Variants in PTPRT observed in about 807,000 individuals in gnomAD.
PTPRT encodes receptor-type tyrosine-protein phosphatase T.
Under a neutral mutation model 176.8 loss-of-function variants are expected in PTPRT, and 56 were observed. That is an observed-to-expected ratio of 0.32 (90% CI 0.26 to 0.40). The LOEUF is 0.40. Among genes scored for constraint, PTPRT ranks in the 10% least tolerant of loss-of-function variants. The probability of loss-of-function intolerance (pLI) is 1.00; values close to 1 mark genes in which losing one functional copy is unlikely to be tolerated. For synonymous variants in PTPRT, 783 were observed against 739.0 expected (o/e 1.06, Z -0.96); for missense variants, 1,540 against 1,908.2 (o/e 0.81, Z 3.60).
At position 42,617,140 on chromosome 20, in the gene PTPRT, T is replaced by C. The variant is rs1287589779; in HGVS notation, c.1153+60726A>G. On this transcript the variant is annotated intron_variant, in intron 7 of 30. Coordinates refer to ENST00000373187, the MANE Select transcript of PTPRT (RefSeq NM_007050.6). ...CAATACCTAATTTATTGAGAGTTTT[T>C]AGCATGAAGGGTTGTTGAATTTTGT... 2.2e-5 allele frequency among the ~76,000 whole-genome samples: 3 copies of C among 137,532 alleles called. 1 individual carries two copies. Among genetic ancestry groups the C allele is most frequent in the Non-Finnish European group, 4.6e-5 (3 of 65,738 alleles). The allele number at this position is 137,532 out of a possible 152,430, so 90.2% of individuals were successfully genotyped here. A position where few individuals can be genotyped will look rare whatever the true frequency, so the allele number is the denominator to read the frequency against.
chr20:42,169,267 C>A (rs778326413), intron 16 of PTPRT, among the ~76,000 whole-genome samples: 9 of 152,074 alleles, frequency 5.9e-5, no homozygotes, highest in Admixed American at 1.3e-4. Context: ...TGTTAGGAAG[C>A]AATTGTGATG....
At chr20:42,614,903 C>G (rs1234013818) in intron 7 of PTPRT, among the ~76,000 whole-genome samples, 1 of 148,874 alleles carries the variant, frequency 6.7e-6, no homozygotes, top group Non-Finnish European at 1.5e-5. Flanking sequence ...GAGGAACTCT[C>G]GGTTTTTTTT....
chr20:43,051,196 C>T (rs1432286097), intron 1 of PTPRT, among the ~76,000 whole-genome samples: 1 of 152,198 alleles, frequency 6.6e-6, no homozygotes, highest in Non-Finnish European at 1.5e-5. Context: ...TGGACCACTC[C>T]TTAGACTTCC....
intron 7 of PTPRT, among the ~76,000 whole-genome samples, chr20:42,577,635 T>C (rs1205827392): frequency 6.6e-6 from 1 of 152,166 alleles, no homozygotes; most frequent in Non-Finnish European, 1.5e-5. Flanking sequence ...TAACGGTGAC[T>C]GCCTAGACTG....
intron 14 of PTPRT, among the ~76,000 whole-genome samples, chr20:42,245,827 G>C (rs569529785): frequency 7.6e-4 from 116 of 152,172 alleles, no homozygotes; most frequent in African/African-American, 2.7e-3. Flanking sequence ...CTTTGAGTCA[G>C]CTGAATCTAT....
At chr20:42,554,816 T>G (rs6130162) in intron 7 of PTPRT, among the ~76,000 whole-genome samples, 13,470 of 152,216 alleles carry the variant, frequency 0.088, 678 homozygotes, top group East Asian at 0.17. Flanking sequence ...ATATTGAATG[T>G]TGGAAACAGA....
At chr20:42,942,859 T>G (rs1351416175) in intron 1 of PTPRT, among the ~76,000 whole-genome samples, 1 of 152,186 alleles carries the variant, frequency 6.6e-6, no homozygotes, top group Admixed American at 6.5e-5. Flanking sequence ...ATAAGAAGTG[T>G]TCAATAAATG....
intron 7 of PTPRT, among the ~76,000 whole-genome samples, chr20:42,533,577 T>G (rs2072424096): frequency 6.6e-6 from 1 of 152,222 alleles, no homozygotes; most frequent in Non-Finnish European, 1.5e-5. Flanking sequence ...AGTTGGTGTT[T>G]TAGCTCTGCC....
At chr20:42,141,292 G>A (rs1459304042) in intron 18 of PTPRT, among the ~76,000 whole-genome samples, 3 of 152,192 alleles carry the variant, frequency 2.0e-5, no homozygotes, top group Non-Finnish European at 4.4e-5. Flanking sequence ...GAGTAGCCCC[G>A]GGCTCCTGTG....
At chr20:42,707,279 G>T (rs2076074636) in intron 6 of PTPRT, among the ~76,000 whole-genome samples, 1 of 152,038 alleles carries the variant, frequency 6.6e-6, no homozygotes, top group South Asian at 2.1e-4. Context: ...GAATTCTGTT[G>T]GCTCTTAACA....
chr20:42,730,896 A>G (rs1024479377), intron 6 of PTPRT, among the ~76,000 whole-genome samples: 1 of 152,186 alleles, frequency 6.6e-6, no homozygotes, highest in Non-Finnish European at 1.5e-5. Context: ...CTACATCATG[A>G]GTCAGCTTCT....
Position 42,237,320 on chromosome 20 carries a change from G to C in PTPRT, c.2313-1062C>G, listed in dbSNP as rs550898678. 2.6e-4 allele frequency among the ~76,000 whole-genome samples: 39 copies of C among 152,280 alleles called. 1 individual carries two copies. In the South Asian group the frequency reaches 7.5e-3, roughly 29 times the overall value. On this transcript the variant is annotated intron_variant, in intron 14 of 30. Coordinates refer to ENST00000373187, the MANE Select transcript of PTPRT (RefSeq NM_007050.6). ...CTTGGAAGAGCACTGTACTGAGAGA[G>C]AGGAGTTCCAACCTTCAGTCTGAAC... is the stretch of plus-strand genomic sequence containing the variant.
chr20:42,383,908 G>A (rs1044907091), intron 9 of PTPRT, among the ~76,000 whole-genome samples: 1 of 152,230 alleles, frequency 6.6e-6, no homozygotes, highest in Non-Finnish European at 1.5e-5. Flanking sequence ...GCTAGGTGAT[G>A]TTGGTTGCAT....
In PTPRT at chr20:42,820,578, T is replaced by C. The variant is rs549148839; in HGVS notation, c.215-29112A>G. 1.4e-4 allele frequency among the ~76,000 whole-genome samples: 21 copies of C among 148,080 alleles called. 1 individual carries two copies. The highest frequency in any genetic ancestry group is 4.0e-4 in the East Asian group (2 of 5,032). On this transcript the variant is annotated intron_variant, in intron 2 of 30. Transcript: ENST00000373187. ...ACAAATAACTAAGATCAGAGAAGAATTGAAGGAGATAGAGACATAAAAAAA... is the reference window on the plus strand; with the variant it reads ...ACAAATAACTAAGATCAGAGAAGAACTGAAGGAGATAGAGACATAAAAAAA...
chr20:42,193,262 A>G (rs1394230371), intron 16 of PTPRT, among the ~76,000 whole-genome samples: 2 of 152,256 alleles, frequency 1.3e-5, no homozygotes, highest in Non-Finnish European at 2.9e-5. Flanking sequence ...GAGCATGCTT[A>G]TCATAGTACC....
chr20:42,103,610 T>C (rs1248336632), intron 25 of PTPRT, among the ~76,000 whole-genome samples: 1 of 152,160 alleles, frequency 6.6e-6, no homozygotes, highest in Admixed American at 6.5e-5. Context: ...GGATTACAGG[T>C]GCATGCCACC....
intron 5 of PTPRT, among the ~76,000 whole-genome samples, chr20:42,762,463 A>T (rs1486576170): frequency 5.3e-5 from 8 of 152,226 alleles, no homozygotes. Context: ...CACAGAACAC[A>T]TGAATGGAAA....
intron 12 of PTPRT, among the ~76,000 whole-genome samples, chr20:42,312,573 G>A (rs1469780635): frequency 1.3e-5 from 2 of 152,106 alleles, no homozygotes; most frequent in African/African-American, 4.8e-5. Context: ...AGCTCCCATT[G>A]CTTTTCCCCT....
At chr20:42,605,846 T>G (rs2073866992) in intron 7 of PTPRT, among the ~76,000 whole-genome samples, 1 of 152,268 alleles carries the variant, frequency 6.6e-6, no homozygotes, top group East Asian at 1.9e-4. Flanking sequence ...CTGGAGAATG[T>G]GTCAACATGC....
Sources: gnomAD v4.1 joint callset for allele counts (sites outside exome capture counted in the v4.1 genomes callset) on GRCh38, gnomAD v4.1.1 for gene constraint, MANE v1.5 for transcripts, NCBI Gene and HGNC (gene_info 2026-07-23, HGNC 2026-07-21) for gene names.